The following CLCN5 variants were observed in gnomAD, a reference collection of about 807,000 sequenced individuals.
The protein encoded by CLCN5 is Cl-/H+ antiporter 5.
CLCN5 carries 17 observed loss-of-function variants against 54.0 expected under a neutral mutation model. The observed-to-expected ratio is 0.31, with a 90% CI of 0.22 to 0.47. The LOEUF (loss-of-function observed/expected upper bound fraction) is 0.47. Among genes scored for constraint, CLCN5 ranks in the 20% least tolerant of loss-of-function variants. The probability of loss-of-function intolerance (pLI) is 1.00; values close to 1 mark genes in which losing one functional copy is unlikely to be tolerated. For synonymous variants in CLCN5, 222 were observed against 233.0 expected, an observed-to-expected ratio of 0.95 and a Z score of 0.43; for missense variants, 448 against 646.7, an observed-to-expected ratio of 0.69 and a Z score of 3.33.
In CLCN5 at chrX:50,095,324, A is replaced by G. The variant is rs1422808056; in HGVS notation, c.*3105A>G. The stretch of plus-strand genomic sequence containing the variant: ...ATGCATGATTCGTTATATTGGAGGG[A>G]AAAAGCAGGGGACTGATAATACAAA... On this transcript the variant is annotated 3_prime_UTR_variant, in exon 15 of 15. Transcript: ENST00000376091. The G allele has an allele frequency of 8.9e-6, 1 of 112,595 alleles. No individual in the cohort carries two copies. Among genetic ancestry groups the G allele is most frequent in the African/African-American group, 3.2e-5 (1 of 31,024 alleles). The allele number at this position is 112,595 out of a possible 1,213,427, so 9.3% of individuals were successfully genotyped here.
chrX:50,049,319 A>G (rs782184519), intron 4 of CLCN5, among the ~76,000 whole-genome samples: 2 of 112,069 alleles, frequency 1.8e-5, no homozygotes, highest in East Asian at 2.8e-4. Flanking sequence ...TTGTAGCCTA[A>G]GAGCAATAGG....
intron 3 of CLCN5, among the ~76,000 whole-genome samples, chrX:49,983,507 C>A (rs1557177949): frequency 1.8e-5 from 2 of 109,731 alleles, no homozygotes. Context: ...TATTGTCATA[C>A]TACAGAGGTA....
At chrX:49,939,230 C>G (rs1304679522) in intron 3 of CLCN5, among the ~76,000 whole-genome samples, 5 of 111,004 alleles carry the variant, frequency 4.5e-5, no homozygotes, top group African/African-American at 1.6e-4. Flanking sequence ...GTCAGTGTGG[C>G]GATTCCTCAG....
chrX:50,005,073 C>T (rs1375072359), intron 3 of CLCN5, among the ~76,000 whole-genome samples: 8 of 111,856 alleles, frequency 7.2e-5, no homozygotes, highest in African/African-American at 2.3e-4. Context: ...TCTTTCCCTT[C>T]CATCTATATT....
At chrX:50,007,227 C>T (rs1930195524) in intron 3 of CLCN5, among the ~76,000 whole-genome samples, 1 of 111,985 alleles carries the variant, frequency 8.9e-6, no homozygotes, top group Non-Finnish European at 1.9e-5. Flanking sequence ...TGTGCACAAG[C>T]AAGGCATACA....
At chrX:49,971,688 G>A (rs148419552) in intron 3 of CLCN5, among the ~76,000 whole-genome samples, 1,368 of 111,465 alleles carry the variant, frequency 0.012, 15 homozygotes, top group African/African-American at 0.042. Context: ...CCATTTTCTT[G>A]GCTACCCATG....
intron 4 of CLCN5, among the ~76,000 whole-genome samples, chrX:50,051,489 G>A (rs781905448): frequency 8.0e-5 from 9 of 111,861 alleles, no homozygotes; most frequent in Non-Finnish European, 1.7e-4. Flanking sequence ...ACATTGTGTT[G>A]GATACTCTAG....
At chrX:50,075,449 G>A (rs1933367934) in intron 6 of CLCN5, among the ~76,000 whole-genome samples, 1 of 110,834 alleles carries the variant, frequency 9.0e-6, no homozygotes, top group Non-Finnish European at 1.9e-5. Context: ...GACTCTTTAT[G>A]GATCAGTATT....
chrX:49,933,253 A>T (rs993161447), intron 3 of CLCN5, among the ~76,000 whole-genome samples: 5 of 112,127 alleles, frequency 4.5e-5, no homozygotes, highest in Admixed American at 9.5e-5. Flanking sequence ...AAATAAATTT[A>T]AAAAATTTAA....
intron 3 of CLCN5, among the ~76,000 whole-genome samples, chrX:49,954,037 ACT>A (rs1324140522): frequency 4.5e-5 from 5 of 111,777 alleles, no homozygotes; most frequent in African/African-American, 1.6e-4. Context: ...AAGGATAGTG[ACT>A]CTCATAATGT....
Position 50,092,179 on chromosome X carries a change from A to G in CLCN5, c.2411A>G (p.Gln804Arg). Reference sequence around the variant, plus strand: ...AAGGATGTGTTAAAGCATATAGCACAGATGGCGAACCAAGATCCTGATTCC... The same window carrying G: ...AAGGATGTGTTAAAGCATATAGCACGGATGGCGAACCAAGATCCTGATTCC... The part of the protein sequence containing the change: ...TKKDVLKHIA[Q>R]MANQDPDSIL... The change falls in exon 15 of 15, where the codon CAG becomes CGG. Residue 804 changes from glutamine to arginine, a missense_variant. Physicochemically the swap from Gln to Arg is conservative, Grantham distance 43. This residue lies in a region of CLCN5 where 297 missense variants were observed against 470.4 expected (regional missense o/e 0.63). Coordinates refer to ENST00000376091, the MANE Select transcript of CLCN5 (RefSeq NM_001127898.4). 8.3e-7 allele frequency: 1 copy of G among 1,205,566 alleles called. No individual in the cohort carries two copies. The highest frequency in any genetic ancestry group is 1.1e-6 in the Non-Finnish European group (1 of 889,531).
intron 3 of CLCN5, among the ~76,000 whole-genome samples, chrX:49,975,739 A>G (rs187525123): frequency 4.5e-5 from 5 of 111,907 alleles, no homozygotes; most frequent in Non-Finnish European, 7.5e-5. Context: ...CATCAATCCA[A>G]GTATCCCCAC....
At position 50,098,401 on chromosome X, in the gene CLCN5, A is replaced by G. The variant is rs1294136040; in HGVS notation, c.*6182A>G. The G allele has an allele frequency of 2.7e-5, 3 of 112,267 alleles. No individual in the cohort carries two copies. Among genetic ancestry groups the G allele is most frequent in the Non-Finnish European group, 5.6e-5 (3 of 53,204 alleles). 9.3% of individuals were successfully genotyped at this position (112,267 alleles called of 1,213,427 possible). ...TACCTCTGCCCATTCATTTCTGGCT[A>G]TGGGAAAACTACCACCTGTTGAGTG... On this transcript the variant is annotated 3_prime_UTR_variant, in exon 15 of 15. Transcript: ENST00000376091.
chrX:49,972,733 C>T (rs192746261), intron 3 of CLCN5, among the ~76,000 whole-genome samples: 71 of 112,119 alleles, frequency 6.3e-4, no homozygotes, highest in African/African-American at 2.2e-3. Flanking sequence ...CTACATGTGA[C>T]TTTTCTACTT....
chrX:49,960,827 C>A (rs1679275206), intron 3 of CLCN5, among the ~76,000 whole-genome samples: 2 of 111,054 alleles, frequency 1.8e-5, no homozygotes, highest in Admixed American at 1.9e-4. Flanking sequence ...CCAAAATCTT[C>A]TTTTTAATCA....
At chrX:50,080,084 A>G (rs1933623080) in intron 7 of CLCN5, among the ~76,000 whole-genome samples, 1 of 111,391 alleles carries the variant, frequency 9.0e-6, no homozygotes, top group South Asian at 3.8e-4. Context: ...GCAAAGAAAA[A>G]AGCCAAACAC....
At chrX:49,939,958 T>C (rs1316753149) in intron 3 of CLCN5, among the ~76,000 whole-genome samples, 1 of 111,631 alleles carries the variant, frequency 9.0e-6, no homozygotes, top group African/African-American at 3.3e-5. Flanking sequence ...TCCAGTCTCT[T>C]TTTTCCATCT....
At chrX:49,952,127 C>G (rs1557173107) in intron 3 of CLCN5, among the ~76,000 whole-genome samples, 5 of 111,699 alleles carry the variant, frequency 4.5e-5, no homozygotes, top group Non-Finnish European at 1.9e-5. Context: ...TTTCTCTTGT[C>G]TAATCTCTTG....
intron 3 of CLCN5, among the ~76,000 whole-genome samples, chrX:50,002,681 CTGTGTGTGTGTGTGTG>C (rs60257335): frequency 1.5e-4 from 14 of 94,763 alleles, no homozygotes; most frequent in Non-Finnish European, 2.9e-4. Context: ...CTCTCTCTCT[CTGTGTGTGTGTGTGTG>C]TGTGTGTGTG....
Sources: gnomAD v4.1 joint callset for allele counts (sites outside exome capture counted in the v4.1 genomes callset) on GRCh38, gnomAD v4.1.1 for gene constraint, gnomAD v4.1.1 regional missense constraint, MANE v1.5 for transcripts, NCBI Gene and HGNC (gene_info 2026-07-23, HGNC 2026-07-21) for gene names.